Variants in PCDH7 observed in about 807,000 individuals in gnomAD.
The protein encoded by PCDH7 is protocadherin-7.
In PCDH7, 17 loss-of-function variants were observed where a neutral mutation model predicts 58.9. The observed-to-expected ratio is 0.29, with a 90% CI of 0.20 to 0.43. The LOEUF is 0.43. Among genes scored for constraint, PCDH7 ranks in the 20% least tolerant of loss-of-function variants. The pLI, the probability that PCDH7 is intolerant of heterozygous loss-of-function variation, is 1.00. For synonymous variants in PCDH7, 664 were observed against 616.4 expected, an observed-to-expected ratio of 1.08 and a Z score of -1.14; for missense variants, 1,274 against 1,441.0, an observed-to-expected ratio of 0.88 and a Z score of 1.88.
intron 3 of PCDH7, among the ~76,000 whole-genome samples, chr4:31,080,349 A>G (rs1003691657): frequency 2.4e-4 from 37 of 152,248 alleles, no homozygotes; most frequent in Non-Finnish European, 4.4e-4. Context: ...TTTAAAAATA[A>G]TAGTATGTAT....
At chr4:30,795,537 G>A (rs1183122443) in intron 1 of PCDH7, among the ~76,000 whole-genome samples, 1 of 152,170 alleles carries the variant, frequency 6.6e-6, no homozygotes, top group East Asian at 1.9e-4. Context: ...ACATTGCCTG[G>A]CATACAGTAA....
intron 3 of PCDH7, among the ~76,000 whole-genome samples, chr4:31,013,015 T>C (rs1578559559): frequency 6.8e-6 from 1 of 147,390 alleles, no homozygotes; most frequent in South Asian, 2.3e-4. Flanking sequence ...AGATGGTCTC[T>C]ACAAAATATA....
Position 30,787,072 on chromosome 4 carries a change from G to A in PCDH7, c.70+62476G>A, listed in dbSNP as rs148829577. On this transcript the variant is annotated intron_variant, in intron 1 of 3. Coordinates refer to the PCDH7 transcript ENST00000509759. ...TTTGCAATCTTATCAATTACTGTGG[G>A]GAAACAGAATCAGATATCGCCATAC... Among the ~76,000 whole-genome samples the A allele has an allele frequency of 3.9e-3, 590 of 152,090 alleles. 7 individuals carry two copies. Among genetic ancestry groups the A allele is most frequent in the African/African-American group, 0.013 (526 of 41,516 alleles).
At chr4:31,138,080 T>C (rs1466348392) in intron 3 of PCDH7, among the ~76,000 whole-genome samples, 1 of 152,156 alleles carries the variant, frequency 6.6e-6, no homozygotes, top group African/African-American at 2.4e-5. Flanking sequence ...TTCTGAATTA[T>C]GTAAGGCATC....
In PCDH7 at chr4:30,981,088, C is replaced by T. The variant is rs150293676; in HGVS notation, c.*7+30873C>T. On this transcript the variant is annotated intron_variant, in intron 3 of 3. Transcript: ENST00000509759. ...TGAACTCCTGACCTTGTGATCCACC[C>T]GCCTTGGCCTCCCAAAGTGCTGGGA... Among the ~76,000 whole-genome samples the T allele has an allele frequency of 3.9e-4, 59 of 152,320 alleles. No homozygotes were observed. The East Asian group carries it at 7.5e-3, about 19-fold the overall frequency.
At chr4:30,974,336 G>A (rs898657918) in intron 3 of PCDH7, among the ~76,000 whole-genome samples, 1 of 148,944 alleles carries the variant, frequency 6.7e-6, no homozygotes, top group African/African-American at 2.5e-5. Context: ...GGAAAACAAA[G>A]CAGAACTTCC....
chr4:31,011,961 T>G (rs527564717), intron 3 of PCDH7, among the ~76,000 whole-genome samples: 1 of 152,242 alleles, frequency 6.6e-6, no homozygotes, highest in Admixed American at 6.6e-5. Flanking sequence ...TAGTTAAATA[T>G]TTTAATTATA....
chr4:31,095,476 C>T lies in PCDH7; in HGVS notation c.*8-46997C>T, dbSNP rs1298918522. 2.6e-5 allele frequency among the ~76,000 whole-genome samples: 4 copies of T among 152,234 alleles called. No individual in the cohort carries two copies. The East Asian group carries it at 5.8e-4, about 22-fold the overall frequency. On this transcript the variant is annotated intron_variant, in intron 3 of 3. Transcript: ENST00000509759. ...TCTAGTTTCTTATCAGACATCTGTA[C>T]TTGTTCTATCTTTCAAAATAACTTC...
chr4:31,051,918 T>C (rs1756775835), intron 3 of PCDH7, among the ~76,000 whole-genome samples: 1 of 152,108 alleles, frequency 6.6e-6, no homozygotes, highest in Non-Finnish European at 1.5e-5. Flanking sequence ...AATTTTGTGA[T>C]ATTTATCCTT....
chr4:30,771,910 G>A lies in PCDH7; in HGVS notation c.70+47314G>A, dbSNP rs140530870. Among the ~76,000 whole-genome samples, 1,135 of 152,002 alleles carry A rather than the reference G, an allele frequency of 7.5e-3. 12 individuals carry two copies. The highest frequency in any genetic ancestry group is 0.025 in the African/African-American group (1,025 of 41,448). On this transcript the variant is annotated intron_variant, in intron 1 of 3. Coordinates refer to the PCDH7 transcript ENST00000509759. ...CTTTGAGATGGAGTTTTGCTCTGTC[G>A]CCCAGGCTGGAGTGCATTGGTGTGA...
At chr4:30,781,520 A>G (rs1457791227) in intron 1 of PCDH7, among the ~76,000 whole-genome samples, 1 of 151,144 alleles carries the variant, frequency 6.6e-6, no homozygotes, top group Admixed American at 6.6e-5. Flanking sequence ...AATTCGTATA[A>G]TATTTTCTAT....
At chr4:31,119,614 A>T (rs1200988670) in intron 3 of PCDH7, among the ~76,000 whole-genome samples, 2 of 152,132 alleles carry the variant, frequency 1.3e-5, no homozygotes. Flanking sequence ...GGCGACTTGA[A>T]GGACAAATGC....
chr4:31,075,159 C>CTTTT (rs55717828), intron 3 of PCDH7, among the ~76,000 whole-genome samples: 1 of 151,972 alleles, frequency 6.6e-6, no homozygotes, highest in Admixed American at 6.6e-5. Flanking sequence ...CAGAAAGCCT[C>CTTTT]TTTTTTTGTT....
intron 3 of PCDH7, among the ~76,000 whole-genome samples, chr4:31,029,555 G>C (rs1293213341): frequency 6.6e-6 from 1 of 152,146 alleles, no homozygotes; most frequent in African/African-American, 2.4e-5. Context: ...TATTATAACG[G>C]TTTAGCACTG....
At chr4:30,862,844 AG>A (rs1276471164) in intron 1 of PCDH7, among the ~76,000 whole-genome samples, 2 of 151,912 alleles carry the variant, frequency 1.3e-5, no homozygotes, top group Non-Finnish European at 2.9e-5. Context: ...ACATTATTAA[AG>A]GGTTACTATA....
intron 3 of PCDH7, among the ~76,000 whole-genome samples, chr4:30,990,175 T>C (rs1751347601): frequency 1.3e-5 from 2 of 151,988 alleles, no homozygotes; most frequent in Admixed American, 6.6e-5. Context: ...TACATTTTTC[T>C]TTATAAAATT....
chr4:30,859,479 T>A (rs13104143), intron 1 of PCDH7, among the ~76,000 whole-genome samples: 1 of 150,732 alleles, frequency 6.6e-6, no homozygotes, highest in African/African-American at 2.4e-5. Flanking sequence ...TTACTCTGTC[T>A]CCCAGGCTGG....
chr4:30,782,830 G>A lies in PCDH7; in HGVS notation c.70+58234G>A, dbSNP rs573267448. Among the ~76,000 whole-genome samples the A allele has an allele frequency of 1.8e-4, 27 of 152,272 alleles. 1 individual carries two copies. Among genetic ancestry groups the A allele is most frequent in the African/African-American group, 6.3e-4 (26 of 41,556 alleles). On this transcript the variant is annotated intron_variant, in intron 1 of 3. Transcript: ENST00000509759. ...GTGGCACTGTGTCTTCAAAGATAAG[G>A]ATGTTCCTTTCCTTCGAGTATATGG...
At chr4:30,797,408 G>A (rs909161143) in intron 1 of PCDH7, among the ~76,000 whole-genome samples, 1 of 151,820 alleles carries the variant, frequency 6.6e-6, no homozygotes, top group Non-Finnish European at 1.5e-5. Context: ...GAGTAGCTGG[G>A]ACTACAGGCG....
Sources: allele counts gnomAD v4.1 joint callset (sites outside exome capture counted in the v4.1 genomes callset), GRCh38; gene constraint gnomAD v4.1.1; transcripts MANE v1.5; gene names NCBI Gene and HGNC (gene_info 2026-07-23, HGNC 2026-07-21).